NRG3: variants seen among roughly 807,000 people sequenced by gnomAD.
The protein encoded by NRG3 is pro-neuregulin-3, membrane-bound isoform.
In NRG3, 31 loss-of-function variants were observed where a neutral mutation model predicts 66.9. That is an observed-to-expected ratio of 0.46 (90% CI 0.35 to 0.63). NRG3 has a LOEUF of 0.63. Among genes scored for constraint, NRG3 ranks in the 20% least tolerant of loss-of-function variants. The pLI is 0.00. For synonymous variants in NRG3, 393 were observed against 359.4 expected (o/e 1.09, Z -1.06); for missense variants, 910 against 878.9 (o/e 1.04, Z -0.45).
chr10:82,057,054 G>T (rs1264930760), intron 1 of NRG3, among the ~76,000 whole-genome samples: 4 of 151,800 alleles, frequency 2.6e-5, no homozygotes, highest in African/African-American at 9.7e-5. Context: ...TTTTCTATTA[G>T]GATTTTGCAC....
chr10:82,162,219 T>G (rs2071654195), intron 1 of NRG3, among the ~76,000 whole-genome samples: 1 of 152,202 alleles, frequency 6.6e-6, no homozygotes, highest in South Asian at 2.1e-4. Flanking sequence ...CAGGATGGGT[T>G]CAGGAGCTCA....
At chr10:82,776,449 A>T (rs997449330) in intron 3 of NRG3, among the ~76,000 whole-genome samples, 1 of 152,064 alleles carries the variant, frequency 6.6e-6, no homozygotes, top group Non-Finnish European at 1.5e-5. Flanking sequence ...AGCTTCATGG[A>T]TCTGTATGTT....
intron 2 of NRG3, among the ~76,000 whole-genome samples, chr10:82,508,268 G>A (rs1389550669): frequency 1.3e-5 from 2 of 152,178 alleles, no homozygotes; most frequent in Non-Finnish European, 2.9e-5. Flanking sequence ...ATTGGCCATT[G>A]TTTATGGGGA....
intron 2 of NRG3, among the ~76,000 whole-genome samples, chr10:82,447,988 A>C (rs1212084856): frequency 2.6e-5 from 4 of 152,196 alleles, no homozygotes; most frequent in African/African-American, 9.7e-5. Flanking sequence ...TGATGACAAA[A>C]TAGGACTTAT....
intron 2 of NRG3, among the ~76,000 whole-genome samples, chr10:82,665,768 C>G (rs1325072172): frequency 6.6e-6 from 1 of 152,218 alleles, no homozygotes; most frequent in South Asian, 2.1e-4. Flanking sequence ...CATGAAATCT[C>G]AACAATATTT....
chr10:82,919,607 A>T (rs1467681545), intron 4 of NRG3, among the ~76,000 whole-genome samples: 2 of 152,182 alleles, frequency 1.3e-5, no homozygotes, highest in Non-Finnish European at 2.9e-5. Flanking sequence ...AGGAAAAAAC[A>T]GTGTCTGGAA....
intron 2 of NRG3, among the ~76,000 whole-genome samples, chr10:82,678,416 T>C (rs1282331130): frequency 1.3e-5 from 2 of 152,106 alleles, no homozygotes; most frequent in Non-Finnish European, 2.9e-5. Flanking sequence ...GGGGAGCTTT[T>C]TGAGCCAGGA....
intron 1 of NRG3, among the ~76,000 whole-genome samples, chr10:82,007,786 G>T (rs1364978145): frequency 6.6e-6 from 1 of 152,066 alleles, no homozygotes; most frequent in Non-Finnish European, 1.5e-5. Context: ...GCCTATTTAT[G>T]AAACAATACC....
At chr10:82,144,611 G>A (rs2070106485) in intron 1 of NRG3, among the ~76,000 whole-genome samples, 1 of 152,204 alleles carries the variant, frequency 6.6e-6, no homozygotes, top group South Asian at 2.1e-4. Flanking sequence ...AGTCAACTCT[G>A]TCAGTGTTTA....
intron 2 of NRG3, among the ~76,000 whole-genome samples, chr10:82,387,536 C>A (rs573869893): frequency 5.3e-5 from 8 of 152,268 alleles, no homozygotes; most frequent in Admixed American, 2.0e-4. Flanking sequence ...GAAAGACTGA[C>A]CAAATCTGAA....
At chr10:82,286,515 C>A (rs1373317528) in intron 1 of NRG3, among the ~76,000 whole-genome samples, 1 of 152,150 alleles carries the variant, frequency 6.6e-6, no homozygotes, top group Non-Finnish European at 1.5e-5. Flanking sequence ...ATCTCATATT[C>A]CTAACATGGG....
chr10:82,847,010 G>T (rs532690506), intron 3 of NRG3, among the ~76,000 whole-genome samples: 12 of 152,222 alleles, frequency 7.9e-5, no homozygotes, highest in African/African-American at 2.9e-4. Flanking sequence ...TAGGAGTCTG[G>T]GGCTGTTACA....
At chr10:82,093,964 T>C (rs190396067) in intron 1 of NRG3, among the ~76,000 whole-genome samples, 162 of 152,332 alleles carry the variant, frequency 1.1e-3, no homozygotes, top group African/African-American at 3.7e-3. Flanking sequence ...CAAATATTAC[T>C]TAAAATGTAA....
rs2056217463 is a variant in NRG3, at chr10:82,705,440, C to T, written c.954-33137C>T. ...ACAAGTCCTCCAGGGCATTCAGATACATGCTTAAATGTGGACCCTCTAGTA... is the reference window on the plus strand; with the variant it reads ...ACAAGTCCTCCAGGGCATTCAGATATATGCTTAAATGTGGACCCTCTAGTA... On this transcript the variant is annotated intron_variant, in intron 2 of 8. Transcript: ENST00000372141. Among the ~76,000 whole-genome samples the T allele has an allele frequency of 5.9e-5, 9 of 152,340 alleles. No homozygotes were observed. The South Asian group carries it at 1.9e-3, about 32-fold the overall frequency.
intron 2 of NRG3, among the ~76,000 whole-genome samples, chr10:82,449,388 C>T (rs1244690141): frequency 6.6e-6 from 1 of 152,234 alleles, no homozygotes; most frequent in African/African-American, 2.4e-5. Flanking sequence ...TCCTTGCACT[C>T]ATGCACTGGC....
chr10:82,494,748 G>A (rs948905237), intron 2 of NRG3, among the ~76,000 whole-genome samples: 3 of 152,022 alleles, frequency 2.0e-5, no homozygotes, highest in Non-Finnish European at 4.4e-5. Context: ...TTAATAATCA[G>A]TGTGTATGTG....
At chr10:82,310,801 C>G (rs1307224067) in intron 1 of NRG3, among the ~76,000 whole-genome samples, 2 of 152,182 alleles carry the variant, frequency 1.3e-5, no homozygotes, top group Non-Finnish European at 1.5e-5. Flanking sequence ...CTCTTCCCCT[C>G]TCTTCCCTCT....
At position 82,134,361 on chromosome 10, in the gene NRG3, A is replaced by G. The variant is rs140017377; in HGVS notation, c.824-224378A>G. 8.1e-3 allele frequency among the ~76,000 whole-genome samples: 1,226 copies of G among 152,296 alleles called. 5 individuals are homozygous for G. The highest frequency in any genetic ancestry group is 0.012 in the Non-Finnish European group (847 of 68,026). ...TCCTATGTCTAGGATGGTAATGACTAGGCTGTCTTCCAAGGTTTTTATAGT... is the reference window on the plus strand; with the variant it reads ...TCCTATGTCTAGGATGGTAATGACTGGGCTGTCTTCCAAGGTTTTTATAGT... On this transcript the variant is annotated intron_variant, in intron 1 of 8. Transcript: ENST00000372141.
intron 1 of NRG3, among the ~76,000 whole-genome samples, chr10:82,335,005 G>T (rs1029109711): frequency 2.0e-5 from 3 of 151,978 alleles, no homozygotes; most frequent in African/African-American, 7.3e-5. Context: ...TGATATTGTT[G>T]GCTACTGCTT....
Sources: gnomAD v4.1 joint callset for allele counts (sites outside exome capture counted in the v4.1 genomes callset) on GRCh38, gnomAD v4.1.1 for gene constraint, MANE v1.5 for transcripts, NCBI Gene and HGNC (gene_info 2026-07-23, HGNC 2026-07-21) for gene names.